Variants in MAGI1 observed in about 807,000 individuals in gnomAD.
MAGI1 encodes the protein membrane associated guanylate kinase, WW and PDZ domain containing 1.
In MAGI1, 58 loss-of-function variants were observed where a neutral mutation model predicts 139.9. The observed-to-expected ratio is 0.41, with a 90% CI of 0.34 to 0.52. The LOEUF (loss-of-function observed/expected upper bound fraction) is 0.52, where lower values mean the gene tolerates loss of function less well. Among genes scored for constraint, MAGI1 ranks in the 20% least tolerant of loss-of-function variants. The probability of loss-of-function intolerance (pLI) is 0.12; values close to 1 mark genes in which losing one functional copy is unlikely to be tolerated. For missense variants in MAGI1, 1,874 were observed against 1,901.6 expected (o/e 0.99, Z 0.27); for synonymous variants, 812 against 737.9 (o/e 1.10, Z -1.63).
intron 2 of MAGI1, among the ~76,000 whole-genome samples, chr3:65,604,059 T>G (rs745456541): frequency 3.9e-5 from 6 of 152,206 alleles, no homozygotes; most frequent in Non-Finnish European, 7.3e-5. Flanking sequence ...CTTTGTAATT[T>G]TCACAATATC....
chr3:65,424,980 GCAGGAGGTTCATTTAAGCC>G (rs1434119188), intron 12 of MAGI1, among the ~76,000 whole-genome samples: 2 of 151,698 alleles, frequency 1.3e-5, no homozygotes, highest in African/African-American at 2.4e-5. Flanking sequence ...GGAGGCTAAG[GCAGGAGGTTCATTTAAGCC>G]CAGGAGTTTG....
At chr3:65,815,972 T>C (rs1024520055) in intron 1 of MAGI1, among the ~76,000 whole-genome samples, 3 of 152,204 alleles carry the variant, frequency 2.0e-5, no homozygotes, top group Non-Finnish European at 2.9e-5. Flanking sequence ...AAAAGAAAGG[T>C]ACTAAGTTCA....
intron 12 of MAGI1, among the ~76,000 whole-genome samples, chr3:65,405,628 TC>T (rs1470507087): frequency 6.6e-6 from 1 of 152,044 alleles, no homozygotes; most frequent in Admixed American, 6.6e-5. Context: ...AGAGTCTCCT[TC>T]TGTTGCCCAG....
At chr3:65,752,149 A>T (rs536533603) in intron 1 of MAGI1, among the ~76,000 whole-genome samples, 43 of 152,218 alleles carry the variant, frequency 2.8e-4, no homozygotes, top group African/African-American at 1.0e-3. Context: ...GGGTTTCACC[A>T]TGTTGTCCAG....
chr3:65,598,263 C>T (rs544108291), intron 2 of MAGI1, among the ~76,000 whole-genome samples: 2 of 152,132 alleles, frequency 1.3e-5, no homozygotes, highest in Non-Finnish European at 2.9e-5. Context: ...CCTGCTGGGG[C>T]GTGTCAGGTC....
At chr3:65,874,458 C>G (rs1025122587) in intron 1 of MAGI1, 3 of 152,208 alleles carry the variant, frequency 2.0e-5, no homozygotes. Context: ...AATGGGCAAA[C>G]CATCTTAACA....
At chr3:65,414,527 C>T (rs1002033105) in intron 12 of MAGI1, among the ~76,000 whole-genome samples, 1 of 152,216 alleles carries the variant, frequency 6.6e-6, no homozygotes, top group Non-Finnish European at 1.5e-5. Flanking sequence ...CCCACTCACA[C>T]ATTACTTCGG....
In MAGI1 at chr3:65,473,459, G is replaced by A. The variant is rs757661306; in HGVS notation, c.758-2975C>T. On this transcript the variant is annotated intron_variant, in intron 4 of 22. Coordinates refer to ENST00000402939, the MANE Select transcript of MAGI1 (RefSeq NM_001033057.2). The stretch of plus-strand genomic sequence containing the variant: ...ATTGCAACTACAACTGTCCAAACTC[G>A]GTGACAGCCTTTTCAATTAGGAGGC... Among the ~76,000 whole-genome samples the A allele has an allele frequency of 5.9e-5, 9 of 152,104 alleles. No homozygotes were observed. In the East Asian group the frequency reaches 1.2e-3, roughly 20 times the overall value.
chr3:65,900,048 G>A (rs978630641), intron 1 of MAGI1, among the ~76,000 whole-genome samples: 2 of 151,980 alleles, frequency 1.3e-5, no homozygotes, highest in South Asian at 4.1e-4. Context: ...TTTCAGATTA[G>A]CTTTTACATT....
chr3:65,938,014 A>T (rs2063145261), intron 1 of MAGI1, among the ~76,000 whole-genome samples: 1 of 152,172 alleles, frequency 6.6e-6, no homozygotes, highest in Admixed American at 6.5e-5. Flanking sequence ...ATGGCTGACC[A>T]GATAACTTGA....
chr3:65,987,494 C>A (rs56353411), intron 1 of MAGI1, among the ~76,000 whole-genome samples: 1 of 152,122 alleles, frequency 6.6e-6, no homozygotes, highest in Non-Finnish European at 1.5e-5. Flanking sequence ...GTGAGGCAGG[C>A]GAGCCACTTA....
Position 65,356,545 on chromosome 3 carries a change from C to G in MAGI1, c.4222G>C (p.Glu1408Gln). The change falls in exon 23 of 23, where the codon GAG becomes CAG. Residue 1408 changes from glutamate (E) to glutamine (Q), a missense_variant. Transcript: ENST00000402939. ...TCCAGGGACCGCTCTCTCCTGCGCT[C>G]GGGGGAGCGTGCGCGCCTCCGGTCG... ...STDRRRARSP[E>Q]RRRERSLDKR... 6.2e-7 allele frequency: 1 copy of G among 1,609,392 alleles called. No individual in the cohort carries two copies. The highest frequency in any genetic ancestry group is 8.5e-7 in the Non-Finnish European group (1 of 1,179,696).
chr3:65,766,965 T>A (rs1357807739), intron 1 of MAGI1, among the ~76,000 whole-genome samples: 1 of 152,140 alleles, frequency 6.6e-6, no homozygotes, highest in Non-Finnish European at 1.5e-5. Flanking sequence ...CTAGTCCGAA[T>A]TTGGTTGGTA....
chr3:65,390,639 C>A (rs552589074), intron 14 of MAGI1, among the ~76,000 whole-genome samples: 1 of 152,274 alleles, frequency 6.6e-6, no homozygotes, highest in Admixed American at 6.5e-5. Context: ...CAACCACTCA[C>A]TGCTATGGTT....
intron 1 of MAGI1, among the ~76,000 whole-genome samples, chr3:65,810,613 G>T (rs1313249381): frequency 6.6e-6 from 1 of 152,200 alleles, no homozygotes. Context: ...TCTAATAAAG[G>T]TTTCATCTCT....
chr3:65,781,215 T>G (rs1432033333), intron 1 of MAGI1, among the ~76,000 whole-genome samples: 1 of 151,638 alleles, frequency 6.6e-6, no homozygotes, highest in African/African-American at 2.4e-5. Flanking sequence ...AAGAACAAAA[T>G]TTAAAAGTTA....
chr3:65,955,235 G>T (rs1164179265), intron 1 of MAGI1, among the ~76,000 whole-genome samples: 1 of 152,184 alleles, frequency 6.6e-6, no homozygotes, highest in Non-Finnish European at 1.5e-5. Flanking sequence ...GCCAGGTGTG[G>T]TGGCTGACGC....
intron 1 of MAGI1, among the ~76,000 whole-genome samples, chr3:65,771,195 T>A (rs1332138914): frequency 6.6e-6 from 1 of 151,692 alleles, no homozygotes; most frequent in African/African-American, 2.4e-5. Context: ...TAGTCCCAGC[T>A]ACTCAGGAGG....
intron 1 of MAGI1, among the ~76,000 whole-genome samples, chr3:65,994,223 G>A (rs535724302): frequency 2.1e-4 from 29 of 138,794 alleles, no homozygotes; most frequent in African/African-American, 7.1e-4. Flanking sequence ...GCAATGAGCC[G>A]AGATCACACC....
Sources: allele counts gnomAD v4.1 joint callset (sites outside exome capture counted in the v4.1 genomes callset), GRCh38; gene constraint gnomAD v4.1.1; transcripts MANE v1.5; gene names NCBI Gene and HGNC (gene_info 2026-07-23, HGNC 2026-07-21).